SPINT1: variants seen among roughly 807,000 people sequenced by gnomAD.
SPINT1 encodes kunitz-type protease inhibitor 1.
SPINT1 carries 38 observed loss-of-function variants against 53.7 expected under a neutral mutation model. That is an observed-to-expected ratio of 0.71 (90% CI 0.55 to 0.93). The LOEUF is 0.93. Among genes scored for constraint, SPINT1 ranks in the 40% least tolerant of loss-of-function variants. The pLI is 0.00. For missense variants in SPINT1, 645 were observed against 692.9 expected (o/e 0.93, Z 0.78); for synonymous variants, 283 against 280.6 (o/e 1.01, Z -0.08).
At chr15:40,847,406 C>G (rs1244032535) in intron 2 of SPINT1, among the ~76,000 whole-genome samples, 1 of 152,156 alleles carries the variant, frequency 6.6e-6, no homozygotes, top group East Asian at 1.9e-4. Flanking sequence ...ACCTTTGATT[C>G]TCCTATTGCA....
At chr15:40,855,394 T>G (rs1891601808) in intron 8 of SPINT1, among the ~76,000 whole-genome samples, 1 of 151,044 alleles carries the variant, frequency 6.6e-6, no homozygotes, top group African/African-American at 2.4e-5. Flanking sequence ...ACAATAATAA[T>G]AATAATAAGC....
chr15:40,848,543 G>A (rs924638950), intron 2 of SPINT1, among the ~76,000 whole-genome samples: 2 of 152,174 alleles, frequency 1.3e-5, no homozygotes, highest in African/African-American at 2.4e-5. Flanking sequence ...ATTGAATACT[G>A]TGATGCTGTT....
rs1035542050 is a variant in SPINT1 at position 40,857,986 on chromosome 15, C to T, written c.*1011C>T. The T allele has an allele frequency of 2.0e-5, 3 of 152,312 alleles. No individual in the cohort carries two copies. Among genetic ancestry groups the T allele is most frequent in the Non-Finnish European group, 2.9e-5 (2 of 68,042 alleles). 9.4% of individuals were successfully genotyped at this position (152,312 alleles called of 1,614,324 possible). Reference sequence around the variant, plus strand: ...TTTGGAGGTTGGGGTTAGGGGTGCACAGGCACCTTGGCTCCTACCTCCATG... The same window carrying T: ...TTTGGAGGTTGGGGTTAGGGGTGCATAGGCACCTTGGCTCCTACCTCCATG... On this transcript the variant is annotated 3_prime_UTR_variant, in exon 11 of 11. Coordinates refer to ENST00000562057, the MANE Select transcript of SPINT1 (RefSeq NM_003710.4).
chr15:40,853,996 C>T, intron 5 of SPINT1, 64 bp from the exon 6 acceptor site: 1 of 1,593,314 alleles, frequency 6.3e-7, no homozygotes, highest in South Asian at 1.1e-5. Flanking sequence ...CCCACCCACC[C>T]CAATTATCTC....
At chr15:40,846,327 C>T (rs1891295236) in intron 2 of SPINT1, among the ~76,000 whole-genome samples, 1 of 152,130 alleles carries the variant, frequency 6.6e-6, no homozygotes, top group South Asian at 2.1e-4. Context: ...AGGGGTAGGT[C>T]ACCTCTCATA....
chr15:40,856,141 G>A (rs1891634502), intron 9 of SPINT1, 79 bp downstream of exon 9: 1 of 1,595,174 alleles, frequency 6.3e-7, no homozygotes, highest in African/African-American at 1.3e-5. Context: ...CAGGCCTTTG[G>A]GAGTCACCCC....
chr15:40,851,168 T>G (rs1306596116), intron 2 of SPINT1, among the ~76,000 whole-genome samples: 2 of 152,030 alleles, frequency 1.3e-5, no homozygotes, highest in African/African-American at 2.4e-5. Context: ...CTTTTTTTTT[T>G]TTTTTAAACG....
Position 40,857,032 on chromosome 15 carries a change from C to G in SPINT1, c.*57C>G, listed in dbSNP as rs1179873842. 4.6e-5 allele frequency: 73 copies of G among 1,590,078 alleles called. No homozygotes were observed. The highest frequency in any genetic ancestry group is 4.0e-5 in the African/African-American group (3 of 74,242). ...GCTTCCTGCTTGCCAAGGCAGAGGC[C>G]TGGGCTGGGAAAAACTTTGGAACCA... On this transcript the variant is annotated 3_prime_UTR_variant, in exon 11 of 11. Transcript: ENST00000562057.
At chr15:40,852,483 C>T (rs1408126092) in intron 2 of SPINT1, among the ~76,000 whole-genome samples, 1 of 152,170 alleles carries the variant, frequency 6.6e-6, no homozygotes, top group African/African-American at 2.4e-5. Context: ...ATGCCTGACC[C>T]TGAGGTGGGG....
intron 10 of SPINT1, 128 bp from the exon 11 acceptor site, chr15:40,856,642 T>G: frequency 6.6e-7 from 1 of 1,507,202 alleles, no homozygotes; most frequent in Non-Finnish European, 8.9e-7. Flanking sequence ...ATGTGGGAGG[T>G]CTGAGTCGGG....
intron 10 of SPINT1, 64 bp from the exon 11 acceptor site, chr15:40,856,706 T>G (rs1891652217): frequency 2.5e-6 from 4 of 1,604,356 alleles, no homozygotes; most frequent in Non-Finnish European, 3.4e-6. Context: ...TTCCATAGAT[T>G]GGGGGTGGGT....
Position 40,848,070 on chromosome 15 carries a change from C to A in SPINT1, c.475+3041C>A, listed in dbSNP as rs1015108851. ...TTTCCCTAATCCCTGGAACCCAGTT[C>A]TCTTTTTACTATTTTTGTAGGCCTC... On this transcript the variant is annotated intron_variant, in intron 2 of 10. Transcript: ENST00000562057. Among the ~76,000 whole-genome samples, 3 of 152,172 alleles carry A rather than the reference C, an allele frequency of 2.0e-5. No individual in the cohort carries two copies. In the South Asian group the frequency reaches 6.2e-4, roughly 31 times the overall value.
intron 2 of SPINT1, among the ~76,000 whole-genome samples, chr15:40,852,832 C>A (rs1405493586): frequency 6.6e-6 from 1 of 150,672 alleles, no homozygotes; most frequent in African/African-American, 2.4e-5. Flanking sequence ...TGAATAGTCA[C>A]TGTGCTCCAG....
chr15:40,855,745 C>A, intron 8 of SPINT1, 147 bp from the exon 9 acceptor site: 1 of 739,888 alleles, frequency 1.4e-6, no homozygotes, highest in Non-Finnish European at 2.1e-6. Context: ...GGCACCACTG[C>A]AGCTGGGCCA....
chr15:40,853,187 T>C lies in SPINT1; in HGVS notation c.539T>C (p.Val180Ala). The change falls in exon 3 of 11, where the codon GTG becomes GCG. Residue 180 changes from valine to alanine, a missense_variant. Physicochemically the swap from Val to Ala is moderately conservative, Grantham distance 64 (BLOSUM62 0). Transcript: ENST00000562057. ...DLKVQPQEPL[V>A]LKDVENTDWR... The stretch of plus-strand genomic sequence containing the variant: ...AAGGTACAACCCCAGGAACCCCTGG[T>C]GCTGAAGGATGTGGAAAACACAGAT... 1 of 1,614,150 alleles carries C rather than the reference T, an allele frequency of 6.2e-7. No individual in the cohort carries two copies. Among genetic ancestry groups the C allele is most frequent in the Non-Finnish European group, 8.5e-7 (1 of 1,180,010 alleles).
At position 40,845,016 on chromosome 15, in the gene SPINT1, C is replaced by T. The variant is rs1046305723; in HGVS notation, c.462C>T (p.Thr154=). 1.9e-6 allele frequency: 3 copies of T among 1,607,640 alleles called. No homozygotes were observed. The highest frequency in any genetic ancestry group is 2.5e-6 in the Non-Finnish European group (3 of 1,176,820). Residue 154 remains threonine, a synonymous_variant, in exon 2 of 11, where the codon ACC becomes ACT. Transcript: ENST00000562057. ...ACCGCTCCTACCGCCAGCTGCGGAC[C>T]CAGGGCTTTGGAGGTGAGGAGGGTG... ...EVYRSYRQLR[T]QGFGGSGIPK...
rs752497967 is a variant in SPINT1 at position 40,853,542 on chromosome 15, G to A, written c.657G>A (p.Leu219=). 4.0e-5 allele frequency: 65 copies of A among 1,614,012 alleles called. No homozygotes were observed. Among genetic ancestry groups the A allele is most frequent in the Non-Finnish European group, 4.8e-5 (57 of 1,180,008 alleles). ...ELWGLKEGTY[L]FQLTVTSSDH... ...GGGGACTCAAGGAAGGCACCTACCT[G>A]TTCCAGCTGACAGTGACTAGCTCAG... The change falls in exon 4 of 11, where the codon CTG becomes CTA. Residue 219 remains leucine (L), a synonymous_variant. Coordinates refer to ENST00000562057, the MANE Select transcript of SPINT1 (RefSeq NM_003710.4).
intron 3 of SPINT1, 66 bp from the exon 4 acceptor site, chr15:40,853,423 G>T: frequency 1.2e-6 from 2 of 1,612,400 alleles, no homozygotes; most frequent in Non-Finnish European, 1.7e-6. Flanking sequence ...TGTGTGTCTG[G>T]CCAGGCCTGG....
At chr15:40,848,963 C>T (rs1346590852) in intron 2 of SPINT1, among the ~76,000 whole-genome samples, 10 of 146,358 alleles carry the variant, frequency 6.8e-5, no homozygotes, top group Admixed American at 2.1e-4. Flanking sequence ...GAAATGGGGT[C>T]GGGCCGGGCG....
Sources: gnomAD v4.1 joint callset for allele counts (sites outside exome capture counted in the v4.1 genomes callset) on GRCh38, gnomAD v4.1.1 for gene constraint, MANE v1.5 for transcripts, NCBI Gene and HGNC (gene_info 2026-07-23, HGNC 2026-07-21) for gene names.